ZNF793: variants seen among roughly 807,000 people sequenced by gnomAD.
The protein encoded by ZNF793 is zinc finger protein 793.
ZNF793 carries 5 observed loss-of-function variants against 12.4 expected under a neutral mutation model. The observed-to-expected ratio is 0.40, with a 90% CI of 0.21 to 0.84. ZNF793 has a LOEUF of 0.84. Ranked by LOEUF, ZNF793 falls within the 40% of genes least tolerant of loss-of-function variation. The pLI is 0.35. For synonymous variants in ZNF793, 162 were observed against 172.4 expected, an observed-to-expected ratio of 0.94 and a Z score of 0.47; for missense variants, 456 against 495.0, an observed-to-expected ratio of 0.92 and a Z score of 0.75.
chr19:37,511,615 G>A (rs1327425176), intron 2 of ZNF793, among the ~76,000 whole-genome samples: 2 of 152,306 alleles, frequency 1.3e-5, no homozygotes, highest in East Asian at 3.9e-4. Context: ...AGGTTGCGGT[G>A]AGCTGAGATT....
chr19:37,542,625 A>G lies in ZNF793; in HGVS notation c.*4746A>G, dbSNP rs925915277. ...GAAATTGTAGAAAGGAAAAAACTATAGTGTATCCATTCCATAGAATGTTAA... is the reference window on the plus strand; with the variant it reads ...GAAATTGTAGAAAGGAAAAAACTATGGTGTATCCATTCCATAGAATGTTAA... On this transcript the variant is annotated 3_prime_UTR_variant, in exon 8 of 8. Transcript: ENST00000627814. The G allele has an allele frequency of 2.1e-5, 5 of 236,580 alleles. No homozygotes were observed. Among genetic ancestry groups the G allele is most frequent in the Non-Finnish European group, 3.5e-5 (4 of 114,188 alleles). The allele number at this position is 236,580 out of a possible 1,614,324, so 14.7% of individuals were successfully genotyped here.
At chr19:37,515,308 TTTTTTC>T in intron 2 of ZNF793, among the ~76,000 whole-genome samples, 1 of 152,058 alleles carries the variant, frequency 6.6e-6, no homozygotes, top group Non-Finnish European at 1.5e-5. Context: ...TCTTTTTTTC[TTTTTTC>T]TTTTTTTTTT....
At chr19:37,517,468 A>C (rs906335960) in intron 2 of ZNF793, among the ~76,000 whole-genome samples, 6 of 152,046 alleles carry the variant, frequency 3.9e-5, no homozygotes, top group Non-Finnish European at 8.8e-5. Context: ...AAAAAAAAAA[A>C]AAAAAAAATG....
rs148000528 is a variant in ZNF793 at position 37,523,196 on chromosome 19, T to C, written c.-30-214T>C. ...AACACCATACCTGGCTAATTTTTTA[T>C]CTTTTTTTGTAGAGACGGGGCTTTG... On this transcript the variant is annotated intron_variant, in intron 4 of 7. Coordinates refer to ENST00000627814, the MANE Select transcript of ZNF793 (RefSeq NM_001013659.3). 7.9e-5 allele frequency among the ~76,000 whole-genome samples: 12 copies of C among 152,200 alleles called. No homozygotes were observed. The East Asian group carries it at 2.1e-3, about 27-fold the overall frequency.
intron 5 of ZNF793, among the ~76,000 whole-genome samples, chr19:37,528,685 G>T (rs867066768): frequency 1.3e-4 from 20 of 152,094 alleles, no homozygotes; most frequent in African/African-American, 4.6e-4. Context: ...ACTTATGCTG[G>T]CATCTCCAGG....
intron 5 of ZNF793, among the ~76,000 whole-genome samples, chr19:37,529,278 C>T (rs2042439015): frequency 6.6e-6 from 1 of 152,176 alleles, no homozygotes; most frequent in Non-Finnish European, 1.5e-5. Context: ...CTCTTCTTTA[C>T]AGCGTTCCAT....
chr19:37,508,478 G>C (rs2042267655), intron 2 of ZNF793, 75 bp downstream of exon 2: 1 of 152,218 alleles, frequency 6.6e-6, no homozygotes, highest in Non-Finnish European at 1.5e-5. Context: ...GGGAGGCTGA[G>C]GTGGGTGGAT....
chr19:37,538,050 T>C lies in ZNF793; in HGVS notation c.*171T>C. On this transcript the variant is annotated 3_prime_UTR_variant, in exon 8 of 8. Transcript: ENST00000627814. The stretch of plus-strand genomic sequence containing the variant: ...CCTCAGCCTCCCGAGTAGCTGGGAC[T>C]ACAGGTGCCCACCACCATGCCCGGC... 8 of 731,416 alleles carry C rather than the reference T, an allele frequency of 1.1e-5. No homozygotes were observed. The highest frequency in any genetic ancestry group is 1.8e-5 in the African/African-American group (1 of 56,006). The allele number at this position is 731,416 out of a possible 1,614,324, so 45.3% of individuals were successfully genotyped here. A position where few individuals can be genotyped will look rare whatever the true frequency, so the allele number is the denominator to read the frequency against.
intron 5 of ZNF793, among the ~76,000 whole-genome samples, chr19:37,524,152 AAATAATAATAATAATAATAATAATAAT>A: frequency 7.2e-6 from 1 of 138,942 alleles, no homozygotes. Flanking sequence ...CTCCATCTCA[AAATAATAATAATAATAATAATAATAAT>A]AATAATAATA....
At chr19:37,530,088 A>G (rs1469298504) in intron 5 of ZNF793, among the ~76,000 whole-genome samples, 3 of 152,068 alleles carry the variant, frequency 2.0e-5, no homozygotes, top group East Asian at 1.9e-4. Flanking sequence ...CATCATAGAC[A>G]AGGTAAATAA....
At chr19:37,517,602 G>A (rs1347371115) in intron 2 of ZNF793, among the ~76,000 whole-genome samples, 1 of 152,122 alleles carries the variant, frequency 6.6e-6, no homozygotes, top group Non-Finnish European at 1.5e-5. Context: ...CACTGCTGCT[G>A]TGTGCTAGTT....
chr19:37,512,464 G>A (rs988131558), intron 2 of ZNF793, among the ~76,000 whole-genome samples: 2 of 152,012 alleles, frequency 1.3e-5, no homozygotes, highest in Admixed American at 6.6e-5. Context: ...GCAGTGAGCC[G>A]AGATCACGCC....
At chr19:37,531,101 C>G (rs1192676821) in intron 5 of ZNF793, among the ~76,000 whole-genome samples, 1 of 152,130 alleles carries the variant, frequency 6.6e-6, no homozygotes, top group Non-Finnish European at 1.5e-5. Context: ...CTAGAATATA[C>G]TTTCTGCATA....
chr19:37,508,926 A>G (rs1459934549), intron 2 of ZNF793, among the ~76,000 whole-genome samples: 2 of 152,102 alleles, frequency 1.3e-5, no homozygotes, highest in Non-Finnish European at 2.9e-5. Context: ...CCACTAATCA[A>G]TTCCTTATAA....
At position 37,539,440 on chromosome 19, in the gene ZNF793, A is replaced by G. The variant is rs1002426172; in HGVS notation, c.*1561A>G. 3.3e-5 allele frequency: 5 copies of G among 152,132 alleles called. No homozygotes were observed. Among genetic ancestry groups the G allele is most frequent in the Non-Finnish European group, 7.4e-5 (5 of 68,008 alleles). The allele number at this position is 152,132 out of a possible 1,614,324, so 9.4% of individuals were successfully genotyped here. On this transcript the variant is annotated 3_prime_UTR_variant, in exon 8 of 8. Coordinates refer to ENST00000627814, the MANE Select transcript of ZNF793 (RefSeq NM_001013659.3). ...CAAGAATATTCATTTTTTTCATATA[A>G]ATTTCCTTGCAAGTGTCCTAGACAC...
chr19:37,536,950 A>C lies in ZNF793; in HGVS notation c.292A>C (p.Arg98=), dbSNP rs1229740951. The change falls in exon 8 of 8, where the codon AGG becomes CGG. Residue 98 remains arginine, a synonymous_variant. Coordinates refer to ENST00000627814, the MANE Select transcript of ZNF793 (RefSeq NM_001013659.3). Reference sequence around the variant, plus strand: ...GAAAAGACGGCAAGACATGCTTTTGAGGCCAGGCGCAGCCATAAGCAAGAA... The same window carrying C: ...GAAAAGACGGCAAGACATGCTTTTGCGGCCAGGCGCAGCCATAAGCAAGAA... ...QRKRRQDMLL[R]PGAAISKKTL... 6.2e-7 allele frequency: 1 copy of C among 1,613,226 alleles called. No individual in the cohort carries two copies. The highest frequency in any genetic ancestry group is 1.3e-5 in the African/African-American group (1 of 74,880).
In ZNF793 at chr19:37,542,388, T is replaced by A. The variant is rs1006221967; in HGVS notation, c.*4509T>A. On this transcript the variant is annotated 3_prime_UTR_variant, in exon 8 of 8. Transcript: ENST00000627814. ...AACCTGGGCAACAGAGCAAAAAGAT[T>A]CCATCTCAAAAGAAAAGAAAAGAAA... is the stretch of plus-strand genomic sequence containing the variant. The A allele has an allele frequency of 5.5e-6, 2 of 361,050 alleles. No homozygotes were observed. The highest frequency in any genetic ancestry group is 1.5e-4 in the East Asian group (2 of 13,236). 22.4% of individuals were successfully genotyped at this position (361,050 alleles called of 1,614,324 possible). A position where few individuals can be genotyped will look rare whatever the true frequency, so the allele number is the denominator to read the frequency against.
In ZNF793 at chr19:37,537,830, G is replaced by A. The variant is rs368429968; in HGVS notation, c.1172G>A (p.Arg391Gln). 3.2e-5 allele frequency: 52 copies of A among 1,612,516 alleles called. No homozygotes were observed. Among genetic ancestry groups the A allele is most frequent in the South Asian group, 3.2e-4 (29 of 90,992 alleles). ...NLSRHQKIHA[R>Q]KNAYRNENLI... is the part of the protein sequence containing the mutation. ...AGCAGACATCAGAAAATTCATGCTC[G>A]GAAGAATGCCTACAGGAATGAAAAC... The change falls in exon 8 of 8, where the codon CGG becomes CAG. Residue 391 changes from arginine (R) to glutamine (Q), a missense_variant. Coordinates refer to ENST00000627814, the MANE Select transcript of ZNF793 (RefSeq NM_001013659.3).
chr19:37,517,763 T>C (rs2042344166), intron 2 of ZNF793, among the ~76,000 whole-genome samples: 1 of 152,182 alleles, frequency 6.6e-6, no homozygotes, highest in African/African-American at 2.4e-5. Context: ...AAGCTAGGTT[T>C]TTTTTTTCTA....
Sources: gnomAD v4.1 joint callset for allele counts (sites outside exome capture counted in the v4.1 genomes callset) on GRCh38, gnomAD v4.1.1 for gene constraint, MANE v1.5 for transcripts, NCBI Gene and HGNC (gene_info 2026-07-23, HGNC 2026-07-21) for gene names.